Variants in FOXO3B observed in about 807,000 individuals in gnomAD.
The protein encoded by FOXO3B is forkhead box O3B, also known as forkhead box protein O3B.
Under a neutral mutation model 21.9 loss-of-function variants are expected in FOXO3B, and 15 were observed. The observed-to-expected ratio is 0.68, with a 90% confidence interval of 0.46 to 1.05. The LOEUF (loss-of-function observed/expected upper bound fraction) is 1.05. FOXO3B is among the 50% of genes least tolerant of loss of function. The pLI is 0.00. For missense variants in FOXO3B, 293 were observed against 435.5 expected (o/e 0.67, Z 2.91); for synonymous variants, 135 against 213.6 (o/e 0.63, Z 3.21).
intron 3 of FOXO3B, chr17:18,677,216 T>C: frequency 8.8e-6 from 13 of 1,484,788 alleles, no homozygotes; most frequent in Non-Finnish European, 1.1e-5. Flanking sequence ...CAACAGTGAG[T>C]ATGTATCTAT....
chr17:18,675,629 G>C (rs974397712), intron 3 of FOXO3B, among the ~76,000 whole-genome samples: 43 of 152,154 alleles, frequency 2.8e-4, no homozygotes, highest in African/African-American at 9.6e-4. Context: ...TCTGGTATTA[G>C]ACATAGACAG....
In FOXO3B at chr17:18,673,006, T is replaced by A; in HGVS notation, c.176A>T (p.His59Leu). ...GGCGGGGTGCAGCGGGGGAGGGACG[T>A]GGACGCCGCGAAGGCTCCGGCTCCC... ...APGSRSLRGVHVPPPLHPAPA... is the reference protein window; with the variant it reads ...APGSRSLRGVLVPPPLHPAPA... The change falls in exon 4 of 4, where the codon CAC becomes CTC. Residue 59 changes from histidine (H) to leucine (L), a missense_variant. By Grantham distance (99) the His-to-Leu change is moderately conservative (BLOSUM62 -3). Transcript: ENST00000395675. 1 of 1,466,052 alleles carries A rather than the reference T, an allele frequency of 6.8e-7. No individual in the cohort carries two copies. The highest frequency in any genetic ancestry group is 9.0e-7 in the Non-Finnish European group (1 of 1,115,866). 90.8% of individuals were successfully genotyped at this position (1,466,052 alleles called of 1,614,324 possible).
Position 18,671,935 on chromosome 17 carries a change from G to C in FOXO3B, c.*374C>G, listed in dbSNP as rs2032374510. ...GTCGTCCTGGACTTCATCCAACTCT[G>C]TGCTTGCCATGATGGGCGACAGGCG... On this transcript the variant is annotated 3_prime_UTR_variant, in exon 4 of 4. Coordinates refer to ENST00000395675, the MANE Select transcript of FOXO3B (RefSeq NM_001368135.1). 1 of 1,613,570 alleles carries C rather than the reference G, an allele frequency of 6.2e-7. No individual in the cohort carries two copies. Among genetic ancestry groups the C allele is most frequent in the South Asian group, 1.1e-5 (1 of 90,994 alleles).
Position 18,677,852 on chromosome 17 carries a change from G to T in FOXO3B, c.126+2889C>A, listed in dbSNP as rs1274436539. The stretch of plus-strand genomic sequence containing the variant: ...AGTTATTTAAATTATGGCTGGGGTC[G>T]GGGAGGGTACAGGGGGCACTGAGAC... On this transcript the variant is annotated intron_variant, in intron 3 of 3. Transcript: ENST00000395675. 3 of 1,085,220 alleles carry T rather than the reference G, an allele frequency of 2.8e-6. No homozygotes were observed. The Admixed American group carries it at 8.0e-5, about 29-fold the overall frequency. The allele number at this position is 1,085,220 out of a possible 1,614,324, so 67.2% of individuals were successfully genotyped here.
chr17:18,670,618 G>A lies in FOXO3B; in HGVS notation c.*1691C>T, dbSNP rs530417704. On this transcript the variant is annotated 3_prime_UTR_variant, in exon 4 of 4. Coordinates refer to ENST00000395675, the MANE Select transcript of FOXO3B (RefSeq NM_001368135.1). ...TGTGCTCTGAACGAGGGTGGGTGGT[G>A]CTGAGGGGTGCTGTCCTCCACTGGC... is the stretch of plus-strand genomic sequence containing the variant. 2.0e-4 allele frequency among the ~76,000 whole-genome samples: 30 copies of A among 152,338 alleles called. No homozygotes were observed. Among genetic ancestry groups the A allele is most frequent in the African/African-American group, 6.7e-4 (28 of 41,564 alleles).
intron 3 of FOXO3B, among the ~76,000 whole-genome samples, chr17:18,675,289 A>C (rs1337325148): frequency 6.6e-6 from 1 of 152,184 alleles, no homozygotes; most frequent in Non-Finnish European, 1.5e-5. Context: ...ATAAAAAATT[A>C]AACTTGTACA....
intron 3 of FOXO3B, among the ~76,000 whole-genome samples, chr17:18,673,542 G>C: frequency 6.6e-6 from 1 of 152,132 alleles, no homozygotes; most frequent in South Asian, 2.1e-4. Flanking sequence ...TATAGTTACA[G>C]TAGGTCCTCT....
In FOXO3B at chr17:18,671,999, G is replaced by A. The variant is rs1020024750; in HGVS notation, c.*310C>T. On this transcript the variant is annotated 3_prime_UTR_variant, in exon 4 of 4. Coordinates refer to ENST00000395675, the MANE Select transcript of FOXO3B (RefSeq NM_001368135.1). The stretch of plus-strand genomic sequence containing the variant: ...CTGGCGTTAGAATTGGTGCGTGAAC[G>A]GAAGTCCGTCCACGCATCCAGCTCA... The A allele has an allele frequency of 5.0e-6, 8 of 1,612,002 alleles. No homozygotes were observed. The South Asian group carries it at 6.6e-5, about 13-fold the overall frequency.
rs2032385980 is a variant in FOXO3B, at chr17:18,672,357, G to A, written c.825C>T (p.Cys275=). 6.2e-7 allele frequency: 1 copy of A among 1,611,182 alleles called. No individual in the cohort carries two copies. Among genetic ancestry groups the A allele is most frequent in the South Asian group, 1.1e-5 (1 of 90,856 alleles). Residue 275 remains cysteine (C), a synonymous_variant, in exon 4 of 4, where the codon TGC becomes TGT. Coordinates refer to ENST00000395675, the MANE Select transcript of FOXO3B (RefSeq NM_001368135.1). This position sits in a 1 kb window ranked among gnomAD's most constrained non-coding sequence, Gnocchi z 4.2. ...TGCCCTTATCCTTGAAGTAGGGCAC[G>A]CAACTCACCATCCACTCGTAGATCT... is the stretch of plus-strand genomic sequence containing the variant. ...LSQIYEWMVS[C]VPYFKDKGNS... is the part of the protein sequence containing the mutation.
chr17:18,677,587 A>C, intron 3 of FOXO3B: 1 of 1,603,250 alleles, frequency 6.2e-7, no homozygotes, highest in Admixed American at 1.7e-5. Flanking sequence ...GGCAGGGCCA[A>C]AGCCGGGCGG....
chr17:18,682,007 CG>C, intron 1 of FOXO3B, 161 bp from the exon 2 acceptor site: 1 of 606,388 alleles, frequency 1.6e-6, no homozygotes, highest in Non-Finnish European at 2.9e-6. Flanking sequence ...CCCAGGACCC[CG>C]CGACCACCCC....
intron 3 of FOXO3B, among the ~76,000 whole-genome samples, chr17:18,678,922 G>A (rs1476849620): frequency 3.3e-5 from 5 of 151,902 alleles, no homozygotes; most frequent in Admixed American, 3.3e-4. Flanking sequence ...ATCCAGGAAT[G>A]GGCCTAATAC....
chr17:18,677,932 A>G (rs1357886931), intron 3 of FOXO3B, among the ~76,000 whole-genome samples: 1 of 143,100 alleles, frequency 7.0e-6, no homozygotes, highest in African/African-American at 2.6e-5. Flanking sequence ...AAAAAAAAAA[A>G]GAAAGAAGAG....
intron 3 of FOXO3B, chr17:18,677,258 A>G: frequency 1.2e-6 from 2 of 1,609,808 alleles, no homozygotes; most frequent in Non-Finnish European, 1.7e-6. Context: ...TTGTATGTAT[A>G]CAAGGTCTGT....
rs940791780 is a variant in FOXO3B, at chr17:18,682,279, A to G, written c.-271T>C. ...GTCGCGCATGAGTAAGAAGGAGCGG[A>G]GCCAGGCGTGCTGCTCTCATTCCGC... On this transcript the variant is annotated 5_prime_UTR_variant, in exon 1 of 4. Coordinates refer to ENST00000395675, the MANE Select transcript of FOXO3B (RefSeq NM_001368135.1). 1.6e-6 allele frequency: 1 copy of G among 606,174 alleles called. No homozygotes were observed. Among genetic ancestry groups the G allele is most frequent in the African/African-American group, 1.9e-5 (1 of 53,840 alleles). The allele number at this position is 606,174 out of a possible 1,614,324, so 37.5% of individuals were successfully genotyped here. A position where few individuals can be genotyped will look rare whatever the true frequency, so the allele number is the denominator to read the frequency against.
In FOXO3B at chr17:18,669,101, G is replaced by A. The variant is rs1185143849; in HGVS notation, c.*3208C>T. 7 of 139,696 alleles carry A rather than the reference G, an allele frequency of 5.0e-5. No homozygotes were observed. Among genetic ancestry groups the A allele is most frequent in the Non-Finnish European group, 1.1e-4 (7 of 65,274 alleles). The allele number at this position is 139,696 out of a possible 1,614,324, so 8.7% of individuals were successfully genotyped here. A position where few individuals can be genotyped will look rare whatever the true frequency, so the allele number is the denominator to read the frequency against. ...ATCGCTCAAACATGGCAACCCAAGC[G>A]AGGCAGGAGACGTGTGACAATACCA... On this transcript the variant is annotated 3_prime_UTR_variant, in exon 4 of 4. Coordinates refer to ENST00000395675, the MANE Select transcript of FOXO3B (RefSeq NM_001368135.1).
chr17:18,673,075 G>A lies in FOXO3B; in HGVS notation c.127-20C>T. 4.1e-6 allele frequency: 6 copies of A among 1,462,826 alleles called. No individual in the cohort carries two copies. The highest frequency in any genetic ancestry group is 5.4e-6 in the Non-Finnish European group (6 of 1,112,066). The allele number at this position is 1,462,826 out of a possible 1,614,324, so 90.6% of individuals were successfully genotyped here. ...CGCCGCCTGGGGAAGCACGAGAGAA[G>A]AGAGAAGGAGAGTTGGTTATCCCCG... On this transcript the variant is annotated intron_variant, in intron 3 of 3. Coordinates refer to ENST00000395675, the MANE Select transcript of FOXO3B (RefSeq NM_001368135.1).
chr17:18,680,730 G>C lies in FOXO3B; in HGVS notation c.126+11C>G. Reference sequence around the variant, plus strand: ...CAAGGTGTAATTCCAATAATCAGCAGACTCACTCACCTGGGATCTGGCCGT... The same window carrying C: ...CAAGGTGTAATTCCAATAATCAGCACACTCACTCACCTGGGATCTGGCCGT... On this transcript the variant is annotated intron_variant, in intron 3 of 3. Transcript: ENST00000395675. 4 of 1,613,648 alleles carry C rather than the reference G, an allele frequency of 2.5e-6. No homozygotes were observed. The highest frequency in any genetic ancestry group is 2.5e-6 in the Non-Finnish European group (3 of 1,179,696).
rs2032366308 is a variant in FOXO3B at position 18,671,676 on chromosome 17, G to T, written c.*633C>A. On this transcript the variant is annotated 3_prime_UTR_variant, in exon 4 of 4. Transcript: ENST00000395675. ...GGAGCTCAGGCCCGAGCCCTTGGTG[G>T]TATACGGGAAGCTAGAACTCCGCTG... is the stretch of plus-strand genomic sequence containing the variant. 4 of 1,613,902 alleles carry T rather than the reference G, an allele frequency of 2.5e-6. No individual in the cohort carries two copies. The highest frequency in any genetic ancestry group is 3.4e-6 in the Non-Finnish European group (4 of 1,179,992).
Sources: allele counts gnomAD v4.1 joint callset (sites outside exome capture counted in the v4.1 genomes callset), GRCh38; gene constraint gnomAD v4.1.1; non-coding constraint Gnocchi (gnomAD v3.1); transcripts MANE v1.5; gene names NCBI Gene and HGNC (gene_info 2026-07-23, HGNC 2026-07-21).